Variants in GRID2 observed in about 807,000 individuals in gnomAD.
GRID2 encodes glutamate ionotropic receptor delta type subunit 2, also known as glutamate receptor ionotropic, delta-2.
GRID2 carries 33 observed loss-of-function variants against 114.8 expected under a neutral mutation model. The observed-to-expected ratio is 0.29, with a 90% confidence interval of 0.22 to 0.38. GRID2 has a LOEUF of 0.38. Among genes scored for constraint, GRID2 ranks in the 10% least tolerant of loss-of-function variants. The probability of loss-of-function intolerance (pLI) is 1.00; values close to 1 mark genes in which losing one functional copy is unlikely to be tolerated. For synonymous variants in GRID2, 505 were observed against 449.9 expected, an observed-to-expected ratio of 1.12 and a Z score of -1.55; for missense variants, 1,184 against 1,257.7, an observed-to-expected ratio of 0.94 and a Z score of 0.89.
chr4:93,379,959 A>G (rs1422794989), intron 8 of GRID2, among the ~76,000 whole-genome samples: 2 of 152,092 alleles, frequency 1.3e-5, no homozygotes, highest in Non-Finnish European at 2.9e-5. Context: ...AACAGACCTC[A>G]TAAAAAGCTT....
intron 14 of GRID2, among the ~76,000 whole-genome samples, chr4:93,645,072 T>A (rs959118228): frequency 2.0e-5 from 3 of 151,806 alleles, no homozygotes; most frequent in Non-Finnish European, 4.4e-5. Context: ...AGTGAAAAAA[T>A]TCATGAATGA....
At chr4:93,491,622 A>G (rs1245341965) in intron 12 of GRID2, among the ~76,000 whole-genome samples, 1 of 151,848 alleles carries the variant, frequency 6.6e-6, no homozygotes, top group Admixed American at 6.6e-5. Flanking sequence ...GTAAGTTTGA[A>G]TTTTCCTAAA....
intron 4 of GRID2, among the ~76,000 whole-genome samples, chr4:93,161,759 A>G (rs180727115): frequency 2.8e-4 from 43 of 151,988 alleles, no homozygotes; most frequent in African/African-American, 9.6e-4. Context: ...TATTTTTAAT[A>G]TAGCAAAATT....
chr4:93,218,332 T>C (rs1744473983), intron 6 of GRID2, among the ~76,000 whole-genome samples: 1 of 151,776 alleles, frequency 6.6e-6, no homozygotes, highest in South Asian at 2.1e-4. Context: ...AAACCCCATC[T>C]CTGAAAAAAA....
intron 13 of GRID2, among the ~76,000 whole-genome samples, chr4:93,579,337 G>T (rs552646891): frequency 2.0e-5 from 3 of 151,970 alleles, no homozygotes; most frequent in Non-Finnish European, 4.4e-5. Context: ...ACCTTTTGTC[G>T]GGAAGCTCAA....
chr4:93,686,843 G>A (rs1726122418), intron 14 of GRID2, among the ~76,000 whole-genome samples: 1 of 151,932 alleles, frequency 6.6e-6, no homozygotes, highest in Admixed American at 6.6e-5. Context: ...GATGAGGTAA[G>A]AGTGGCAATT....
intron 4 of GRID2, among the ~76,000 whole-genome samples, chr4:93,136,114 C>G (rs527239924): frequency 1.6e-4 from 25 of 152,174 alleles, no homozygotes; most frequent in Non-Finnish European, 3.5e-4. Flanking sequence ...AAGCTAATGT[C>G]CAGGCGGTTG....
intron 2 of GRID2, among the ~76,000 whole-genome samples, chr4:92,996,574 A>G (rs760825420): frequency 6.6e-6 from 1 of 152,160 alleles, no homozygotes; most frequent in Non-Finnish European, 1.5e-5. Flanking sequence ...TGATGTCTTC[A>G]GGAGATTGAT....
At chr4:93,413,730 TTTAA>T (rs1216337109) in intron 9 of GRID2, among the ~76,000 whole-genome samples, 7 of 152,188 alleles carry the variant, frequency 4.6e-5, no homozygotes, top group African/African-American at 9.6e-5. Context: ...AGATTATGAC[TTTAA>T]TTATTTTTTC....
intron 4 of GRID2, chr4:93,204,132 T>A (rs528991582): frequency 3.9e-5 from 6 of 152,308 alleles, no homozygotes; most frequent in African/African-American, 1.4e-4. Flanking sequence ...GTTTTTCTGA[T>A]AAACTTTGTA....
At chr4:93,018,164 T>G (rs1425880107) in intron 2 of GRID2, among the ~76,000 whole-genome samples, 2 of 151,280 alleles carry the variant, frequency 1.3e-5, no homozygotes, top group South Asian at 2.1e-4. Context: ...AAAATTTTGC[T>G]GCAATTTATG....
chr4:93,024,714 C>T (rs1723722484), intron 2 of GRID2, among the ~76,000 whole-genome samples: 1 of 151,728 alleles, frequency 6.6e-6, no homozygotes, highest in South Asian at 2.1e-4. Flanking sequence ...TGTATGTAAA[C>T]TAAATGTCAA....
intron 7 of GRID2, among the ~76,000 whole-genome samples, chr4:93,233,484 A>G (rs1746392866): frequency 6.6e-6 from 1 of 151,982 alleles, no homozygotes; most frequent in East Asian, 1.9e-4. Context: ...CTGGGATTAC[A>G]GGCGCGCACC....
chr4:92,620,985 T>C (rs1015546733), intron 2 of GRID2, among the ~76,000 whole-genome samples: 2 of 97,822 alleles, frequency 2.0e-5, no homozygotes, highest in Non-Finnish European at 4.4e-5. Context: ...AGGAACAAAA[T>C]AAAGAATGCC....
intron 2 of GRID2, among the ~76,000 whole-genome samples, chr4:92,605,008 C>T (rs1729385787): frequency 6.6e-6 from 1 of 152,038 alleles, no homozygotes; most frequent in South Asian, 2.1e-4. Flanking sequence ...GGGGGTCTTT[C>T]CCCTTGCTTA....
intron 8 of GRID2, among the ~76,000 whole-genome samples, chr4:93,385,375 C>A (rs1393309142): frequency 6.6e-6 from 1 of 152,192 alleles, no homozygotes; most frequent in Admixed American, 6.6e-5. Context: ...CCAAGCTAGA[C>A]ATTTTATGAG....
intron 11 of GRID2, among the ~76,000 whole-genome samples, chr4:93,468,114 T>G (rs570684300): frequency 1.3e-5 from 2 of 152,316 alleles, no homozygotes; most frequent in African/African-American, 4.8e-5. Context: ...ACATATCCCT[T>G]CAGTCATTTG....
At chr4:93,413,073 T>C (rs1425180150) in intron 9 of GRID2, among the ~76,000 whole-genome samples, 2 of 152,206 alleles carry the variant, frequency 1.3e-5, no homozygotes, top group Non-Finnish European at 2.9e-5. Context: ...GTATGTGTCT[T>C]TATAGTAGAA....
At chr4:92,888,293 CAGA>C (rs1171189952) in intron 2 of GRID2, among the ~76,000 whole-genome samples, 3 of 151,954 alleles carry the variant, frequency 2.0e-5, no homozygotes, top group Non-Finnish European at 4.4e-5. Context: ...ATAAAGGGCT[CAGA>C]AGAGGTTTTT....
Sources: gnomAD v4.1 joint callset for allele counts (sites outside exome capture counted in the v4.1 genomes callset) on GRCh38, gnomAD v4.1.1 for gene constraint, MANE v1.5 for transcripts, NCBI Gene and HGNC (gene_info 2026-07-23, HGNC 2026-07-21) for gene names.